The following ZC3H12B variants were observed in gnomAD, a reference collection of about 807,000 sequenced individuals.
The protein encoded by ZC3H12B is zinc finger CCCH-type containing 12B.
In ZC3H12B, 7 loss-of-function variants were observed where a neutral mutation model predicts 43.9. The ratio of observed to expected loss-of-function variants is 0.16; its 90% CI spans 0.09 to 0.30. ZC3H12B has a LOEUF of 0.30. Among genes scored for constraint, ZC3H12B ranks in the 10% least tolerant of loss-of-function variants. The pLI, the probability that ZC3H12B is intolerant of heterozygous loss-of-function variation, is 1.00. For missense variants in ZC3H12B, 475 were observed against 670.2 expected, an observed-to-expected ratio of 0.71 and a Z score of 3.22; for synonymous variants, 222 against 241.7, an observed-to-expected ratio of 0.92 and a Z score of 0.76.
the ZC3H12B span, among the ~76,000 whole-genome samples, chrX:65,223,872 C>A: frequency 8.9e-6 from 1 of 112,141 alleles, no homozygotes; most frequent in Admixed American, 9.4e-5. Flanking sequence ...ACTCATACAA[C>A]CACTATGGAA....
chrX:65,408,568 C>G (rs1410398591), intron 3 of ZC3H12B: 19 of 1,181,670 alleles, frequency 1.6e-5, no homozygotes, highest in East Asian at 1.5e-4. Flanking sequence ...GGGGCAGTGC[C>G]GGTCTTCTTG....
At chrX:65,266,472 G>A in the ZC3H12B span, among the ~76,000 whole-genome samples, 2 of 112,038 alleles carry the variant, frequency 1.8e-5, no homozygotes, top group African/African-American at 6.5e-5. Context: ...AAAAGCAACT[G>A]ATGAGCTGAA....
the ZC3H12B span, among the ~76,000 whole-genome samples, chrX:65,233,978 A>G: frequency 9.0e-6 from 1 of 111,584 alleles, no homozygotes; most frequent in African/African-American, 3.3e-5. Flanking sequence ...AATCCTTTTC[A>G]GACTATTCTG....
chrX:65,164,410 T>G, the ZC3H12B span, among the ~76,000 whole-genome samples: 1 of 111,360 alleles, frequency 9.0e-6, no homozygotes, highest in African/African-American at 3.3e-5. Flanking sequence ...TTTATAATAA[T>G]GATAATATCT....
the ZC3H12B span, among the ~76,000 whole-genome samples, chrX:65,183,484 C>G: frequency 9.0e-6 from 1 of 111,208 alleles, no homozygotes; most frequent in Non-Finnish European, 1.9e-5. Flanking sequence ...TCTGAGTACA[C>G]CAAACCCCAG....
intron 3 of ZC3H12B, among the ~76,000 whole-genome samples, chrX:65,419,096 G>A (rs1024312519): frequency 2.7e-5 from 3 of 110,630 alleles, no homozygotes; most frequent in African/African-American, 9.9e-5. Context: ...CTCTTGGTGG[G>A]CCCGTGGGTC....
At chrX:65,423,776 C>T (rs1241780193) in intron 3 of ZC3H12B, among the ~76,000 whole-genome samples, 1 of 111,644 alleles carries the variant, frequency 9.0e-6, no homozygotes, top group Non-Finnish European at 1.9e-5. Context: ...GGATAGATTG[C>T]AAAAATTTTC....
the ZC3H12B span, among the ~76,000 whole-genome samples, chrX:65,073,220 G>A: frequency 7.1e-5 from 8 of 112,894 alleles, no homozygotes; most frequent in East Asian, 5.6e-4. Flanking sequence ...ACACACATAC[G>A]CTGGTGGGAC....
the ZC3H12B span, among the ~76,000 whole-genome samples, chrX:65,345,549 G>A: frequency 7.2e-5 from 8 of 111,380 alleles, no homozygotes; most frequent in Middle Eastern, 4.7e-3. Context: ...CTGGAGGGTG[G>A]AGTGTGGGAG....
the ZC3H12B span, among the ~76,000 whole-genome samples, chrX:65,170,536 A>T: frequency 1.8e-5 from 2 of 111,167 alleles, no homozygotes; most frequent in Non-Finnish European, 3.8e-5. Flanking sequence ...CTCTAGGAGT[A>T]TCTTTGTGGC....
At chrX:65,105,808 A>T in the ZC3H12B span, among the ~76,000 whole-genome samples, 5 of 110,872 alleles carry the variant, frequency 4.5e-5, no homozygotes, top group Admixed American at 4.8e-4. Context: ...ATTTTATGGG[A>T]AGAAGCCACA....
the ZC3H12B span, among the ~76,000 whole-genome samples, chrX:65,283,253 G>T: frequency 9.0e-6 from 1 of 111,638 alleles, no homozygotes; most frequent in Non-Finnish European, 1.9e-5. Flanking sequence ...TGCAGAAAAG[G>T]CCTTCGACAA....
chrX:65,060,616 G>C, the ZC3H12B span, among the ~76,000 whole-genome samples: 67 of 111,470 alleles, frequency 6.0e-4, 3 homozygotes, highest in South Asian at 0.025. Flanking sequence ...ATTTTGTTGA[G>C]GATTTTTGCA....
chrX:65,280,214 A>C, the ZC3H12B span, among the ~76,000 whole-genome samples: 3 of 112,530 alleles, frequency 2.7e-5, no homozygotes, highest in African/African-American at 6.5e-5. Flanking sequence ...ACCAAATGGG[A>C]TTTATCCCAG....
chrX:65,405,152 G>A (rs11796605), intron 3 of ZC3H12B, among the ~76,000 whole-genome samples: 11 of 112,040 alleles, frequency 9.8e-5, no homozygotes, highest in Non-Finnish European at 1.7e-4. Flanking sequence ...AAAAGACAAT[G>A]GAAACACAAC....
the ZC3H12B span, among the ~76,000 whole-genome samples, chrX:65,236,348 T>C: frequency 1.8e-5 from 2 of 112,278 alleles, no homozygotes; most frequent in Non-Finnish European, 3.8e-5. Flanking sequence ...ATGAATGTTT[T>C]ATTTTGAGAA....
chrX:65,148,149 C>G, the ZC3H12B span, among the ~76,000 whole-genome samples: 34 of 111,227 alleles, frequency 3.1e-4, no homozygotes, highest in African/African-American at 1.0e-3. Context: ...GACTTATATC[C>G]ACAGGTGCCA....
intron 3 of ZC3H12B, among the ~76,000 whole-genome samples, chrX:65,414,996 G>A (rs960974391): frequency 8.9e-6 from 1 of 112,172 alleles, no homozygotes; most frequent in Non-Finnish European, 1.9e-5. Flanking sequence ...CATGTGGTTG[G>A]GCTACAGCTT....
chrX:65,172,876 T>C, the ZC3H12B span, among the ~76,000 whole-genome samples: 1 of 112,189 alleles, frequency 8.9e-6, no homozygotes, highest in African/African-American at 3.2e-5. Context: ...CCAGCTTTGT[T>C]CTTTTTGCTT....
Sources: allele counts gnomAD v4.1 joint callset (sites outside exome capture counted in the v4.1 genomes callset), GRCh38; gene constraint gnomAD v4.1.1; transcripts MANE v1.5; gene names NCBI Gene and HGNC (gene_info 2026-07-23, HGNC 2026-07-21).